Variants in CALN1 observed in about 807,000 individuals in gnomAD.
CALN1 encodes calcium-binding protein 8.
In CALN1, 17 loss-of-function variants were observed where a neutral mutation model predicts 30.6. The ratio of observed to expected loss-of-function variants is 0.56; its 90% CI spans 0.38 to 0.83. The LOEUF is 0.83. CALN1 is among the 40% of genes least tolerant of loss of function. The pLI is 0.00. For synonymous variants in CALN1, 156 were observed against 131.4 expected, an observed-to-expected ratio of 1.19 and a Z score of -1.28; for missense variants, 291 against 354.9, an observed-to-expected ratio of 0.82 and a Z score of 1.45.
At chr7:71,812,583 G>T (rs1003047769) in intron 5 of CALN1, among the ~76,000 whole-genome samples, 1 of 152,152 alleles carries the variant, frequency 6.6e-6, no homozygotes, top group Non-Finnish European at 1.5e-5. Flanking sequence ...ACAAGAAAGA[G>T]ATGAGCTCAG....
Position 72,350,756 on chromosome 7 carries a change from C to T in CALN1, c.119+52495G>A, listed in dbSNP as rs1802878885. On this transcript the variant is annotated intron_variant, in intron 2 of 6. Coordinates refer to ENST00000395275, the MANE Select transcript of CALN1 (RefSeq NM_031468.4). ...TCAATTTACCTATATAACAAACTTGCACATGTACCCCTGAAACAAAAGTAA... is the reference window on the plus strand; with the variant it reads ...TCAATTTACCTATATAACAAACTTGTACATGTACCCCTGAAACAAAAGTAA... 2.7e-5 allele frequency among the ~76,000 whole-genome samples: 4 copies of T among 149,274 alleles called. No homozygotes were observed. In the South Asian group the frequency reaches 8.7e-4, roughly 32 times the overall value.
At chr7:71,970,582 AC>A (rs1301978891) in intron 5 of CALN1, among the ~76,000 whole-genome samples, 1 of 149,096 alleles carries the variant, frequency 6.7e-6, no homozygotes, top group African/African-American at 2.5e-5. Flanking sequence ...TGCAAAATAT[AC>A]CTTTTTTTTT....
intron 3 of CALN1, among the ~76,000 whole-genome samples, chr7:72,106,898 AAAGG>A (rs1203251407): frequency 6.7e-6 from 1 of 149,716 alleles, no homozygotes; most frequent in African/African-American, 2.5e-5. Context: ...GAAGAAAGAA[AAAGG>A]AAGGAAGGAG....
intron 3 of CALN1, among the ~76,000 whole-genome samples, chr7:72,177,752 G>A (rs11975804): frequency 1.1e-4 from 14 of 132,146 alleles, no homozygotes; most frequent in Non-Finnish European, 1.4e-4. Context: ...GCGACAGAGG[G>A]AAAAAAAAAA....
chr7:72,406,622 T>TTTC (rs1554402600), intron 1 of CALN1, among the ~76,000 whole-genome samples: 4 of 92,256 alleles, frequency 4.3e-5, no homozygotes, highest in African/African-American at 1.2e-4. Flanking sequence ...CAGCTTTTTT[T>TTTC]TTTTTCTTTT....
intron 5 of CALN1, among the ~76,000 whole-genome samples, chr7:71,946,528 C>T (rs1372983024): frequency 6.6e-6 from 1 of 151,936 alleles, no homozygotes; most frequent in East Asian, 1.9e-4. Context: ...CCAACAGACT[C>T]AGCTAATTTC....
At chr7:71,914,801 T>C (rs2117020681) in intron 5 of CALN1, among the ~76,000 whole-genome samples, 1 of 152,342 alleles carries the variant, frequency 6.6e-6, no homozygotes, top group South Asian at 2.1e-4. Context: ...TGATCAGTGA[T>C]GTTGAGCTTC....
intron 3 of CALN1, among the ~76,000 whole-genome samples, chr7:72,196,493 CAA>C (rs34649949): frequency 6.6e-6 from 1 of 151,900 alleles, no homozygotes; most frequent in East Asian, 1.9e-4. Context: ...CGGGATTGTA[CAA>C]AAAGTCATGG....
chr7:71,913,071 A>G (rs1470393722), intron 5 of CALN1, among the ~76,000 whole-genome samples: 1 of 152,206 alleles, frequency 6.6e-6, no homozygotes, highest in Non-Finnish European at 1.5e-5. Flanking sequence ...GTGTTTATCT[A>G]CTTCGTCAAC....
At chr7:72,103,766 G>T (rs1012870663) in intron 4 of CALN1, among the ~76,000 whole-genome samples, 2 of 152,096 alleles carry the variant, frequency 1.3e-5, no homozygotes, top group Admixed American at 6.5e-5. Context: ...AATGGAGGGG[G>T]GGGGAAGGAG....
chr7:71,890,746 CT>C (rs10690153), intron 5 of CALN1, among the ~76,000 whole-genome samples: 14,251 of 122,944 alleles, frequency 0.12, 894 homozygotes, highest in East Asian at 0.4. Context: ...TGTTTTCTAG[CT>C]TTTTTTTTTT....
At chr7:71,808,108 A>G (rs2116162950) in intron 6 of CALN1, among the ~76,000 whole-genome samples, 1 of 151,956 alleles carries the variant, frequency 6.6e-6, no homozygotes, top group Admixed American at 6.6e-5. Context: ...CAAAAATACT[A>G]CTATAGTTAT....
intron 5 of CALN1, among the ~76,000 whole-genome samples, chr7:71,812,553 G>A (rs947141471): frequency 1.3e-5 from 2 of 152,176 alleles, no homozygotes; most frequent in Non-Finnish European, 2.9e-5. Flanking sequence ...ATTGAAATTA[G>A]CTGCATCTAA....
chr7:72,334,542 G>A (rs925842154), intron 2 of CALN1, among the ~76,000 whole-genome samples: 2 of 151,006 alleles, frequency 1.3e-5, no homozygotes, highest in African/African-American at 5.0e-5. Flanking sequence ...CCCTTACAGA[G>A]GAAAGGGCAT....
chr7:71,932,713 G>T lies in CALN1; in HGVS notation c.501+90944C>A, dbSNP rs371025143. Among the ~76,000 whole-genome samples the T allele has an allele frequency of 2.8e-3, 429 of 151,668 alleles. 1 individual carries two copies. The highest frequency in any genetic ancestry group is 9.8e-3 in the African/African-American group (405 of 41,378). On this transcript the variant is annotated intron_variant, in intron 5 of 6. Transcript: ENST00000395275. Reference sequence around the variant, plus strand: ...GCACCTGTAGTCCAGCTACTCGGGAGGCTGAGGCAGGAGAATGGCATGAAC... The same window carrying T: ...GCACCTGTAGTCCAGCTACTCGGGATGCTGAGGCAGGAGAATGGCATGAAC...
chr7:72,361,379 A>G (rs1032405728), intron 2 of CALN1, among the ~76,000 whole-genome samples: 2 of 152,042 alleles, frequency 1.3e-5, no homozygotes, highest in African/African-American at 4.8e-5. Flanking sequence ...GATGATGTGC[A>G]CCTGTAGTCC....
chr7:72,261,830 A>C (rs967946212), intron 3 of CALN1, among the ~76,000 whole-genome samples: 1 of 152,198 alleles, frequency 6.6e-6, no homozygotes, highest in African/African-American at 2.4e-5. Context: ...ATTGAAGTTG[A>C]TGAGTAGAGT....
At chr7:72,500,882 GAAT>G in the CALN1 span, among the ~76,000 whole-genome samples, 13 of 151,788 alleles carry the variant, frequency 8.6e-5, no homozygotes, top group Non-Finnish European at 1.6e-4. Flanking sequence ...ATAATTATAT[GAAT>G]AATGTATAAG....
chr7:72,044,214 G>T (rs575339647), intron 4 of CALN1, among the ~76,000 whole-genome samples: 1 of 152,234 alleles, frequency 6.6e-6, no homozygotes, highest in South Asian at 2.1e-4. Context: ...CCAAATAGCA[G>T]AACAGGAGGA....
Sources: gnomAD v4.1 joint callset for allele counts (sites outside exome capture counted in the v4.1 genomes callset) on GRCh38, gnomAD v4.1.1 for gene constraint, MANE v1.5 for transcripts, NCBI Gene and HGNC (gene_info 2026-07-23, HGNC 2026-07-21) for gene names.